Variants in UBP1 observed in about 807,000 individuals in gnomAD.
UBP1 encodes upstream binding protein 1, also known as upstream-binding protein 1.
In UBP1, 22 loss-of-function variants were observed where a neutral mutation model predicts 76.1. That is an observed-to-expected ratio of 0.29 (90% CI 0.21 to 0.41). UBP1 has a LOEUF of 0.41. Among genes scored for constraint, UBP1 ranks in the 10% least tolerant of loss-of-function variants. UBP1 has a pLI of 1.00. For missense variants in UBP1, 436 were observed against 668.1 expected, an observed-to-expected ratio of 0.65 and a Z score of 3.83; for synonymous variants, 224 against 237.1, an observed-to-expected ratio of 0.94 and a Z score of 0.51.
At chr3:33,422,809 AAG>A (rs1437029864) in intron 2 of UBP1, among the ~76,000 whole-genome samples, 2 of 151,770 alleles carry the variant, frequency 1.3e-5, no homozygotes, top group African/African-American at 2.4e-5. Context: ...AAAGAAAAGG[AAG>A]GGAAGGAAGA....
At chr3:33,419,930 T>C (rs1233383989) in intron 2 of UBP1, among the ~76,000 whole-genome samples, 1 of 152,214 alleles carries the variant, frequency 6.6e-6, no homozygotes. Context: ...AGCTTTATTT[T>C]CTCAATTTAC....
At chr3:33,425,006 C>T (rs1282612827) in intron 2 of UBP1, among the ~76,000 whole-genome samples, 2 of 152,120 alleles carry the variant, frequency 1.3e-5, no homozygotes, top group East Asian at 3.9e-4. Flanking sequence ...GATTGCGCCA[C>T]TGCACTCCAG....
In UBP1 at chr3:33,423,452, C is replaced by G. The variant is rs535014867; in HGVS notation, c.265+2138G>C. Among the ~76,000 whole-genome samples the G allele has an allele frequency of 4.6e-5, 7 of 152,168 alleles. 1 individual carries two copies. The South Asian group carries it at 1.5e-3, about 32-fold the overall frequency. ...GAAAAAATCAAGAAATAAATGAACA[C>G]AATTCCAGAACCAAGAAAATACTCA... On this transcript the variant is annotated intron_variant, in intron 2 of 15. Coordinates refer to ENST00000283629, the MANE Select transcript of UBP1 (RefSeq NM_014517.5).
chr3:33,438,372 C>A (rs1166827864), intron 1 of UBP1, among the ~76,000 whole-genome samples: 1 of 152,200 alleles, frequency 6.6e-6, no homozygotes, highest in Admixed American at 6.5e-5. Context: ...CTATAAGCCT[C>A]GTGTTTCCAG....
intron 8 of UBP1, 58 bp downstream of exon 8, chr3:33,408,632 A>G (rs2044493900): frequency 3.5e-6 from 5 of 1,441,638 alleles, no homozygotes; most frequent in South Asian, 2.7e-5. Flanking sequence ...AGTTGGTCCT[A>G]TATCTAACAC....
intron 1 of UBP1, among the ~76,000 whole-genome samples, chr3:33,429,585 T>A (rs2045079978): frequency 6.6e-6 from 1 of 152,180 alleles, no homozygotes; most frequent in South Asian, 2.1e-4. Flanking sequence ...CACCTCGGCC[T>A]CCTAAAGTGC....
At chr3:33,409,820 T>G (rs2044523963) in intron 5 of UBP1, among the ~76,000 whole-genome samples, 2 of 152,226 alleles carry the variant, frequency 1.3e-5, no homozygotes, top group Admixed American at 1.3e-4. Context: ...TCTGAGCTCT[T>G]GCCCATCACA....
intron 5 of UBP1, among the ~76,000 whole-genome samples, chr3:33,410,027 A>G (rs907410066): frequency 6.6e-6 from 1 of 152,144 alleles, no homozygotes; most frequent in Non-Finnish European, 1.5e-5. Flanking sequence ...CATTACCCCT[A>G]TTCTACCCAG....
chr3:33,425,996 A>AACAAATATAT (rs2045005339), intron 1 of UBP1, among the ~76,000 whole-genome samples: 1 of 55,136 alleles, frequency 1.8e-5, no homozygotes, highest in African/African-American at 8.6e-5. Context: ...GGCAGCTCTG[A>AACAAATATAT]ATATATATAT....
intron 1 of UBP1, 122 bp downstream of exon 1, chr3:33,439,614 C>T: frequency 4.6e-6 from 5 of 1,083,890 alleles, no homozygotes; most frequent in South Asian, 1.6e-5. Context: ...CGGCAGGACT[C>T]CGACCCCGCA....
rs2043682013 is a variant in UBP1 at position 33,389,721 on chromosome 3, C to CA, written c.*609dup. The CA allele has an allele frequency of 6.5e-6, 1 of 152,812 alleles. No homozygotes were observed. The highest frequency in any genetic ancestry group is 1.5e-5 in the Non-Finnish European group (1 of 68,138). 9.5% of individuals were successfully genotyped at this position (152,812 alleles called of 1,614,324 possible). A position where few individuals can be genotyped will look rare whatever the true frequency, so the allele number is the denominator to read the frequency against. Reference sequence around the variant, plus strand: ...GTACTCCTGATAATGCAGTTTGCTTCAAGCCCATCTTCCTGGCTTGGATCT... The same window carrying CA: ...GTACTCCTGATAATGCAGTTTGCTTCAAAGCCCATCTTCCTGGCTTGGATCT... On this transcript the variant is annotated 3_prime_UTR_variant, in exon 16 of 16. Transcript: ENST00000283629.
At chr3:33,408,060 G>A (rs1365218804) in intron 8 of UBP1, among the ~76,000 whole-genome samples, 1 of 152,086 alleles carries the variant, frequency 6.6e-6, no homozygotes, top group African/African-American at 2.4e-5. Flanking sequence ...ACACTACTTT[G>A]GCCTGAAGCA....
At chr3:33,411,448 A>T in intron 5 of UBP1, 133 bp downstream of exon 5, 1 of 704,068 alleles carries the variant, frequency 1.4e-6, no homozygotes, top group Non-Finnish European at 2.4e-6. Flanking sequence ...AAACCTAACT[A>T]TGTATATAGA....
intron 1 of UBP1, among the ~76,000 whole-genome samples, chr3:33,439,294 A>T (rs2045249535): frequency 6.6e-6 from 1 of 152,262 alleles, no homozygotes; most frequent in Non-Finnish European, 1.5e-5. Context: ...ATCTGCAGCC[A>T]GAAAAGATCA....
Position 33,439,966 on chromosome 3 carries a change from G to A in UBP1, c.-118C>T. ...GGTGAAGCCTCCGGAGGGGCGGCGA[G>A]TGGTCACCAGCGGCGGCCGGGACGA... On this transcript the variant is annotated 5_prime_UTR_variant, in exon 1 of 16. Coordinates refer to ENST00000283629, the MANE Select transcript of UBP1 (RefSeq NM_014517.5). The A allele has an allele frequency of 1.8e-6, 2 of 1,089,088 alleles. No individual in the cohort carries two copies. Among genetic ancestry groups the A allele is most frequent in the Non-Finnish European group, 2.6e-6 (2 of 777,260 alleles). 67.5% of individuals were successfully genotyped at this position (1,089,088 alleles called of 1,614,324 possible).
At chr3:33,419,960 G>T (rs2044843916) in intron 2 of UBP1, among the ~76,000 whole-genome samples, 1 of 151,664 alleles carries the variant, frequency 6.6e-6, no homozygotes, top group South Asian at 2.1e-4. Context: ...TTTATTTTTT[G>T]TTCCATTTTT....
At chr3:33,427,866 C>G (rs1235112810) in intron 1 of UBP1, among the ~76,000 whole-genome samples, 1 of 152,218 alleles carries the variant, frequency 6.6e-6, no homozygotes, top group African/African-American at 2.4e-5. Flanking sequence ...CCCACCTAAG[C>G]TCCTGCCTTG....
chr3:33,418,531 T>C (rs2154058400), intron 2 of UBP1, among the ~76,000 whole-genome samples: 1 of 151,908 alleles, frequency 6.6e-6, no homozygotes, highest in African/African-American at 2.4e-5. Flanking sequence ...AATGCTGGGA[T>C]TACAGGCGTG....
In UBP1 at chr3:33,397,119, T is replaced by C. The variant is rs2154055318; in HGVS notation, c.1197A>G (p.Lys399=). Residue 399 remains lysine (K), a synonymous_variant, in exon 12 of 16, where the codon AAA becomes AAG. Transcript: ENST00000283629. ...TTTGAACTAAATCCTCCTTTGTCAG[T>C]TTTAATAAGTCGGCACCTAGAGAAG... The part of the protein sequence containing the change: ...FSNFSGADLL[K]LTKEDLVQIC... 1.3e-6 allele frequency: 2 copies of C among 1,595,984 alleles called. No homozygotes were observed. The highest frequency in any genetic ancestry group is 1.4e-5 in the African/African-American group (1 of 73,878).
Sources: allele counts gnomAD v4.1 joint callset (sites outside exome capture counted in the v4.1 genomes callset), GRCh38; gene constraint gnomAD v4.1.1; transcripts MANE v1.5; gene names NCBI Gene and HGNC (gene_info 2026-07-23, HGNC 2026-07-21).